ZMYND10: variants seen among roughly 807,000 people sequenced by gnomAD.
The protein encoded by ZMYND10 is zinc finger MYND domain-containing protein 10.
ZMYND10 carries 52 observed loss-of-function variants against 62.6 expected under a neutral mutation model. The ratio of observed to expected loss-of-function variants is 0.83; its 90% CI spans 0.67 to 1.05. The LOEUF (loss-of-function observed/expected upper bound fraction) is 1.05, where lower values mean the gene tolerates loss of function less well. ZMYND10 is among the 50% of genes least tolerant of loss of function. The probability of loss-of-function intolerance (pLI) is 0.00; values close to 1 mark genes in which losing one functional copy is unlikely to be tolerated. For missense variants in ZMYND10, 438 were observed against 543.3 expected (o/e 0.81, Z 1.93); for synonymous variants, 197 against 218.5 (o/e 0.90, Z 0.87).
rs373312648 is a variant in ZMYND10 at position 50,343,306 on chromosome 3, C to T, written c.510+1G>A. 55 of 1,611,884 alleles carry T rather than the reference C, an allele frequency of 3.4e-5. No individual in the cohort carries two copies. Among genetic ancestry groups the T allele is most frequent in the East Asian group, 4.5e-5 (2 of 44,888 alleles). The stretch of plus-strand genomic sequence containing the variant: ...CACAACCCTAGGTAACCTCAACCCA[C>T]CTGCATGGGGTTGCTGTCCTGGGAT... On this transcript the variant is annotated splice_donor_variant, in intron 5 of 11. Transcript: ENST00000231749. LOFTEE classifies it high-confidence loss of function.
Position 50,343,824 on chromosome 3 carries a change from G to C in ZMYND10, c.228C>G (p.Ile76Met). Residue 76 changes from isoleucine (I) to methionine (M), a missense_variant, in exon 3 of 12, where the codon ATC (isoleucine) becomes ATG (methionine). Transcript: ENST00000231749. ...CCTTCTGCTTCCACATCTCCACTGC[G>C]ATCAGCTCCTCCACCAGTGTTGGGA... ...GKVPTLVEEL[I>M]AVEMWKQKVF... The C allele has an allele frequency of 6.2e-7, 1 of 1,614,156 alleles. No homozygotes were observed. The highest frequency in any genetic ancestry group is 8.5e-7 in the Non-Finnish European group (1 of 1,180,036).
At chr3:50,344,135 C>A (rs1703470111) in intron 2 of ZMYND10, 1 of 431,208 alleles carries the variant, frequency 2.3e-6, no homozygotes, top group Non-Finnish European at 4.3e-6. Flanking sequence ...CCTCTGCCCG[C>A]CCATTCAGGC....
In ZMYND10 at chr3:50,343,842, T is replaced by C. The variant is rs779556299; in HGVS notation, c.210A>G (p.Thr70=). The change falls in exon 3 of 12, where the codon ACA becomes ACG. Residue 70 remains threonine, a synonymous_variant. Coordinates refer to ENST00000231749, the MANE Select transcript of ZMYND10 (RefSeq NM_015896.4). ...CCACTGCGATCAGCTCCTCCACCAG[T>C]GTTGGGACCTTTGAAGGGTAGGGTA... ...ELLVTHGKVP[T]LVEELIAVEM... is the part of the protein sequence containing the mutation. 6.2e-7 allele frequency: 1 copy of C among 1,614,098 alleles called. No homozygotes were observed. Among genetic ancestry groups the C allele is most frequent in the Non-Finnish European group, 8.5e-7 (1 of 1,180,014 alleles).
In ZMYND10 at chr3:50,341,833, C is replaced by T. The variant is rs776487536; in HGVS notation, c.1098G>A (p.Gln366=). The T allele has an allele frequency of 1.2e-6, 2 of 1,614,144 alleles. No homozygotes were observed. Among genetic ancestry groups the T allele is most frequent in the Non-Finnish European group, 1.7e-6 (2 of 1,180,048 alleles). Reference sequence around the variant, plus strand: ...ACCTTCGCGCCTGCAGCCGCAGGTCCTGCTCTGAGGGGCTGAACACATGCT... The same window carrying T: ...ACCTTCGCGCCTGCAGCCGCAGGTCTTGCTCTGAGGGGCTGAACACATGCT... ...QLQHVFSPSE[Q]DLRLQARRWA... The change falls in exon 10 of 12, where the codon CAG becomes CAA. Residue 366 remains glutamine (Q), a synonymous_variant. Transcript: ENST00000231749.
Position 50,345,679 on chromosome 3 carries a change from G to C in ZMYND10, c.-100C>G. The C allele has an allele frequency of 1.3e-6, 2 of 1,524,922 alleles. No individual in the cohort carries two copies. Among genetic ancestry groups the C allele is most frequent in the Non-Finnish European group, 1.8e-6 (2 of 1,134,464 alleles). 94.5% of individuals were successfully genotyped at this position (1,524,922 alleles called of 1,614,324 possible). ...CCGACGGTGCCAAAGTCTGGGACAGGACAGTTGCGGGACGGTTGGGGAGCG... is the reference window on the plus strand; with the variant it reads ...CCGACGGTGCCAAAGTCTGGGACAGCACAGTTGCGGGACGGTTGGGGAGCG... On this transcript the variant is annotated 5_prime_UTR_variant, in exon 1 of 12. Transcript: ENST00000231749. The surrounding 1 kb of genome is among the most constrained non-coding windows in gnomAD (Gnocchi z 5.0).
In ZMYND10 at chr3:50,341,452, T is replaced by C. The variant is rs1417662028; in HGVS notation, c.1281A>G (p.Gly427=). The change falls in exon 12 of 12, where the codon GGA becomes GGG. Residue 427 remains glycine (G), a synonymous_variant. Coordinates refer to ENST00000231749, the MANE Select transcript of ZMYND10 (RefSeq NM_015896.4). ...ECQVKHWEKH[G]KTCVLAAQGD... Reference sequence around the variant, plus strand: ...CCTGGGCTGCCAGGACACAAGTCTTTCCATGCTTTTCCCAGTGCTTGACTT... The same window carrying C: ...CCTGGGCTGCCAGGACACAAGTCTTCCCATGCTTTTCCCAGTGCTTGACTT... The C allele has an allele frequency of 7.4e-6, 12 of 1,614,108 alleles. No homozygotes were observed. The highest frequency in any genetic ancestry group is 1.3e-5 in the African/African-American group (1 of 74,940).
Position 50,342,587 on chromosome 3 carries a change from C to T in ZMYND10, c.701-18G>A, listed in dbSNP as rs373727095. ...CAGCTTGCCTGGGGAGAGGAACCAG[C>T]ACACTGGGTGCAGACGTTGAATTCT... is the stretch of plus-strand genomic sequence containing the variant. On this transcript the variant is annotated intron_variant, in intron 7 of 11. Coordinates refer to ENST00000231749, the MANE Select transcript of ZMYND10 (RefSeq NM_015896.4). The T allele has an allele frequency of 3.7e-6, 6 of 1,606,692 alleles. No homozygotes were observed. In the Admixed American group the frequency reaches 1.0e-4, roughly 27 times the overall value.
At chr3:50,343,525 C>T in intron 4 of ZMYND10, 38 bp downstream of exon 4, 2 of 1,614,204 alleles carry the variant, frequency 1.2e-6, no homozygotes, top group South Asian at 1.1e-5. Flanking sequence ...CAGGCCCTGA[C>T]CCGGAACTGT....
chr3:50,345,593 T>C lies in ZMYND10; in HGVS notation c.-14A>G, dbSNP rs748312819. The C allele has an allele frequency of 2.5e-6, 4 of 1,573,362 alleles. No homozygotes were observed. In the African/African-American group the frequency reaches 5.4e-5, roughly 21 times the overall value. The stretch of plus-strand genomic sequence containing the variant: ...CAGGTCTCCCATATCGAGGCCGGGG[T>C]CCGGCGGATCCTGGGCAGCAGCCGG... On this transcript the variant is annotated 5_prime_UTR_variant, in exon 1 of 12. Coordinates refer to ENST00000231749, the MANE Select transcript of ZMYND10 (RefSeq NM_015896.4). The surrounding 1 kb of genome is among the most constrained non-coding windows in gnomAD (Gnocchi z 5.0).
Position 50,341,467 on chromosome 3 carries a change from G to C in ZMYND10, c.1266C>G (p.His422Gln), listed in dbSNP as rs1291712831. 12 of 1,614,236 alleles carry C rather than the reference G, an allele frequency of 7.4e-6. No homozygotes were observed. The East Asian group carries it at 1.1e-4, about 15-fold the overall frequency. The change falls in exon 12 of 12, where the codon CAC becomes CAG. Residue 422 changes from histidine (H) to glutamine (Q), a missense_variant. Transcript: ENST00000231749. The stretch of plus-strand genomic sequence containing the variant: ...CACAAGTCTTTCCATGCTTTTCCCA[G>C]TGCTTGACTTGGCACTCCCTGCAGG... ...WYCCRECQVK[H>Q]WEKHGKTCVL...
At position 50,342,533 on chromosome 3, in the gene ZMYND10, G is replaced by A. The variant is rs201031784; in HGVS notation, c.737C>T (p.Thr246Ile). The A allele has an allele frequency of 1.2e-6, 2 of 1,613,924 alleles. No homozygotes were observed. Among genetic ancestry groups the A allele is most frequent in the Admixed American group, 3.3e-5 (2 of 60,004 alleles). ...LQQFEGSRWH[T>I]VAPSEQQKLS... ...CTTTTGCTGCTCTGAGGGGGCCACA[G>A]TATGCCAACGGCTGCCCTCGAACTG... Residue 246 changes from threonine to isoleucine, a missense_variant, in exon 8 of 12, where the codon ACT becomes ATT. Physicochemically the swap from Thr to Ile is moderately conservative, Grantham distance 89. Transcript: ENST00000231749.
intron 7 of ZMYND10, 27 bp downstream of exon 7, chr3:50,342,891 G>T (rs780583512): frequency 6.2e-7 from 1 of 1,609,208 alleles, no homozygotes; most frequent in Non-Finnish European, 8.5e-7. Flanking sequence ...GTAGCCTGGG[G>T]CTTAGGCTGG....
At position 50,343,033 on chromosome 3, in the gene ZMYND10, G is replaced by A. The variant is rs774249609; in HGVS notation, c.600-15C>T. 3.1e-6 allele frequency: 5 copies of A among 1,613,878 alleles called. No individual in the cohort carries two copies. The highest frequency in any genetic ancestry group is 4.2e-6 in the Non-Finnish European group (5 of 1,179,908). On this transcript the variant is annotated splice_polypyrimidine_tract_variant and intron_variant, in intron 6 of 11. Coordinates refer to ENST00000231749, the MANE Select transcript of ZMYND10 (RefSeq NM_015896.4). ...TGAGAGAGAGGCTAGGGGCAGGGAC[G>A]TTGTGAAGGAGGTGAGTAGAGGCAG...
chr3:50,342,385 A>C lies in ZMYND10; in HGVS notation c.873+12T>G, dbSNP rs774727836. The C allele has an allele frequency of 1.9e-6, 3 of 1,564,040 alleles. No individual in the cohort carries two copies. Among genetic ancestry groups the C allele is most frequent in the Non-Finnish European group, 2.6e-6 (3 of 1,153,872 alleles). On this transcript the variant is annotated intron_variant, in intron 8 of 11. Coordinates refer to ENST00000231749, the MANE Select transcript of ZMYND10 (RefSeq NM_015896.4). The stretch of plus-strand genomic sequence containing the variant: ...ACTGGGGCTGTGGGGGCTGGTGCGG[A>C]GGGAGTCTGACCTTGAGTAGCCGTC...
chr3:50,343,823 C>T lies in ZMYND10; in HGVS notation c.229G>A (p.Ala77Thr), dbSNP rs146847253. 1.7e-3 allele frequency: 2,764 copies of T among 1,614,202 alleles called. 3 individuals carry two copies. Among genetic ancestry groups the T allele is most frequent in the Middle Eastern group, 4.1e-3 (25 of 6,062 alleles). The stretch of plus-strand genomic sequence containing the variant: ...ACCTTCTGCTTCCACATCTCCACTG[C>T]GATCAGCTCCTCCACCAGTGTTGGG... ...KVPTLVEELI[A>T]VEMWKQKVFP... The change falls in exon 3 of 12, where the codon GCA becomes ACA. Residue 77 changes from alanine to threonine, a missense_variant. Transcript: ENST00000231749.
At chr3:50,344,322 T>C (rs1324172217) in intron 2 of ZMYND10, among the ~76,000 whole-genome samples, 1 of 137,174 alleles carries the variant, frequency 7.3e-6, no homozygotes, top group African/African-American at 2.5e-5. Context: ...TTTCTTTTTT[T>C]TTTTTTTTTT....
chr3:50,342,505 C>T lies in ZMYND10; in HGVS notation c.765G>A (p.Leu255=). The T allele has an allele frequency of 1.9e-6, 3 of 1,614,142 alleles. No individual in the cohort carries two copies. Among genetic ancestry groups the T allele is most frequent in the Non-Finnish European group, 1.7e-6 (2 of 1,179,998 alleles). The change falls in exon 8 of 12, where the codon CTG becomes CTA. Residue 255 remains leucine (L), a synonymous_variant. Transcript: ENST00000231749. The part of the protein sequence containing the change: ...HTVAPSEQQK[L]SKLDGQVWIA... ...TCCACACTTGCCCGTCCAACTTGCT[C>T]AGCTTTTGCTGCTCTGAGGGGGCCA...
Position 50,341,912 on chromosome 3 carries a change from C to T in ZMYND10, c.1019G>A (p.Arg340Gln), listed in dbSNP as rs148328402. The change falls in exon 10 of 12, where the codon CGG (arginine) becomes CAG (glutamine). Residue 340 changes from arginine to glutamine, a missense_variant. Transcript: ENST00000231749. ...VLEQIPEIWE[R>Q]LERENRGKWQ... ...CTTGCCTCTGTTTTCTCGCTCCAGC[C>T]GCTCCCAGATTTCTGGGATCTAGGA... is the stretch of plus-strand genomic sequence containing the variant. 4,305 of 1,614,188 alleles carry T rather than the reference C, an allele frequency of 2.7e-3. 22 individuals are homozygous for T. Among genetic ancestry groups the T allele is most frequent in the Middle Eastern group, 7.9e-3 (48 of 6,060 alleles).
At chr3:50,342,838 G>A in intron 7 of ZMYND10, 80 bp downstream of exon 7, 1 of 1,533,504 alleles carries the variant, frequency 6.5e-7, no homozygotes, top group Non-Finnish European at 8.9e-7. Context: ...TTGTCTTCGT[G>A]TGTGCAAGCT....
Sources: gnomAD v4.1 joint callset for allele counts (sites outside exome capture counted in the v4.1 genomes callset) on GRCh38, gnomAD v4.1.1 for gene constraint, Gnocchi (gnomAD v3.1) non-coding constraint, MANE v1.5 for transcripts, NCBI Gene and HGNC (gene_info 2026-07-23, HGNC 2026-07-21) for gene names.